JSRP1: variants seen among roughly 807,000 people sequenced by gnomAD.
JSRP1 encodes the protein junctional sarcoplasmic reticulum protein 1.
A neutral mutation model predicts 21.4 loss-of-function variants in JSRP1; 29 were observed. That is an observed-to-expected ratio of 1.36 (90% confidence interval 1.01 to 1.85). The LOEUF (loss-of-function observed/expected upper bound fraction) is 1.85. Ranked by LOEUF, JSRP1 falls within the 40% of genes most tolerant of loss-of-function variation. JSRP1 has a pLI of 0.00. For missense variants in JSRP1, 531 were observed against 461.5 expected (o/e 1.15, Z -1.38); for synonymous variants, 221 against 206.1 (o/e 1.07, Z -0.62).
In JSRP1 at chr19:2,252,332, G is replaced by A. The variant is rs905427761; in HGVS notation, c.993C>T (p.Asp331=). ...RQKLRAGKGR[D] The stretch of plus-strand genomic sequence containing the variant: ...TGGACTCCGGCGCGGGGCCGGCTCA[G>A]TCCCGCCCCTTGCCTGCGCGGAGCT... The change falls in exon 7 of 7, where the codon GAC becomes GAT. Residue 331 remains aspartate, a synonymous_variant. Coordinates refer to ENST00000300961, the MANE Select transcript of JSRP1 (RefSeq NM_144616.4). 6.7e-6 allele frequency: 10 copies of A among 1,496,774 alleles called. No individual in the cohort carries two copies. The highest frequency in any genetic ancestry group is 8.9e-6 in the Non-Finnish European group (10 of 1,127,700). 92.7% of individuals were successfully genotyped at this position (1,496,774 alleles called of 1,614,324 possible). A position where few individuals can be genotyped will look rare whatever the true frequency, so the allele number is the denominator to read the frequency against.
rs749144810 is a variant in JSRP1, at chr19:2,254,480, T to C, written c.112A>G (p.Thr38Ala). 13 of 1,612,770 alleles carry C rather than the reference T, an allele frequency of 8.1e-6. No homozygotes were observed. The highest frequency in any genetic ancestry group is 1.0e-5 in the Non-Finnish European group (12 of 1,179,950). ...CTGCCGGAGTCGGCCAGCCTGGGTG[T>C]CGCTGTGGGAACACAGGCAGAGTCA... Reference protein sequence around the residue: ...AETQEDRASATPRLADSGSVP... With the variant: ...AETQEDRASAAPRLADSGSVP... Residue 38 changes from threonine to alanine, a missense_variant and splice_region_variant, in exon 3 of 7, where the codon ACA becomes GCA. Physicochemically the swap from Thr to Ala is moderately conservative, Grantham distance 58 (BLOSUM62 0). Transcript: ENST00000300961.
Position 2,252,542 on chromosome 19 carries a change from CG to C in JSRP1, c.782del (p.Pro261ArgfsTer92), listed in dbSNP as rs763633107. On this transcript the variant is annotated frameshift_variant, in exon 7 of 7. Transcript: ENST00000300961. LOFTEE classifies it low-confidence loss of function (END_TRUNC). Reference protein sequence around the residue: ...RKEERPKKERPRKEERPRAAR... With the variant: ...RKEERPKKERXRKEERPRAAR... ...CGGCCCGTGGCCTCTCCTCTTTCCGCGGCCTCTCTTTCTTAGGTCTCTCCTC... is the reference window on the plus strand; with the variant it reads ...CGGCCCGTGGCCTCTCCTCTTTCCGCGCCTCTCTTTCTTAGGTCTCTCCTC... The C allele has an allele frequency of 5.0e-6, 8 of 1,612,902 alleles. No individual in the cohort carries two copies. The highest frequency in any genetic ancestry group is 6.8e-6 in the Non-Finnish European group (8 of 1,179,912).
At chr19:2,255,125 G>A (rs2025128255) in intron 2 of JSRP1, 81 bp downstream of exon 2, 2 of 893,574 alleles carry the variant, frequency 2.2e-6, no homozygotes, top group Admixed American at 5.0e-5. Context: ...AGGCTAAGAA[G>A]CTCTAGTCTC....
intron 5 of JSRP1, 26 bp from the exon 6 acceptor site, chr19:2,253,029 G>A (rs759086334): frequency 1.3e-6 from 2 of 1,542,004 alleles, no homozygotes; most frequent in Non-Finnish European, 8.9e-7. Flanking sequence ...CGGGACCCGA[G>A]TCAGCTGGGC....
chr19:2,252,254 C>A lies in JSRP1; in HGVS notation c.*75G>T. ...CGTAAAGGAGCAGGTGACTCTGCGG[C>A]CGCAGCACTCGCTTTATTTCGCCAG... On this transcript the variant is annotated 3_prime_UTR_variant, in exon 7 of 7. Transcript: ENST00000300961. 1 of 1,319,530 alleles carries A rather than the reference C, an allele frequency of 7.6e-7. No homozygotes were observed. Among genetic ancestry groups the A allele is most frequent in the Non-Finnish European group, 1.0e-6 (1 of 994,674 alleles). The allele number at this position is 1,319,530 out of a possible 1,614,324, so 81.7% of individuals were successfully genotyped here.
Position 2,253,659 on chromosome 19 carries a change from G to T in JSRP1, c.397C>A (p.Leu133Met). Residue 133 changes from leucine (L) to methionine (M), a missense_variant, in exon 5 of 7, where the codon CTG becomes ATG. Physicochemically the swap from Leu to Met is conservative, Grantham distance 15. Coordinates refer to ENST00000300961, the MANE Select transcript of JSRP1 (RefSeq NM_144616.4). ...AAAGCCGAGCCCAGCAGCGCCACCA[G>T]CGAGGCGAGCACCAGGCACTTGTTG... ...SLNKCLVLAS[L>M]VALLGSAFQL... The T allele has an allele frequency of 6.6e-7, 1 of 1,507,986 alleles. No homozygotes were observed. Among genetic ancestry groups the T allele is most frequent in the Non-Finnish European group, 8.8e-7 (1 of 1,135,036 alleles). The allele number at this position is 1,507,986 out of a possible 1,614,324, so 93.4% of individuals were successfully genotyped here.
At chr19:2,253,991 C>T (rs899574612) in intron 4 of JSRP1, among the ~76,000 whole-genome samples, 196 bp downstream of exon 4, 2 of 152,212 alleles carry the variant, frequency 1.3e-5, no homozygotes, top group East Asian at 1.9e-4. Flanking sequence ...AAGGTAACTT[C>T]CCGGAGCTGA....
intron 3 of JSRP1, 37 bp downstream of exon 3, chr19:2,254,408 C>A: frequency 6.2e-7 from 1 of 1,611,936 alleles, no homozygotes; most frequent in Non-Finnish European, 8.5e-7. Context: ...ACTCCCCAGG[C>A]GTCCTGGGTT....
At chr19:2,253,852 G>C in intron 4 of JSRP1, 59 bp from the exon 5 acceptor site, 9 of 1,333,932 alleles carry the variant, frequency 6.7e-6, no homozygotes, top group Middle Eastern at 2.8e-4. Flanking sequence ...CCCCTTCCCC[G>C]GGCGCAGGGG....
chr19:2,252,450 G>A lies in JSRP1; in HGVS notation c.875C>T (p.Ala292Val), dbSNP rs766153930. The A allele has an allele frequency of 1.2e-6, 2 of 1,611,046 alleles. No homozygotes were observed. The highest frequency in any genetic ancestry group is 2.2e-5 in the South Asian group (2 of 91,028). The change falls in exon 7 of 7, where the codon GCA (alanine) becomes GTA (valine). Residue 292 changes from alanine (A) to valine (V), a missense_variant. By Grantham distance (64) the Ala-to-Val change is moderately conservative. Coordinates refer to ENST00000300961, the MANE Select transcript of JSRP1 (RefSeq NM_144616.4). ...GGGCTCGGCGTCCCTGGAGTCCCGTGCCCACGGCCGGTGGCCCCCTTCGCG... is the reference window on the plus strand; with the variant it reads ...GGGCTCGGCGTCCCTGGAGTCCCGTACCCACGGCCGGTGGCCCCCTTCGCG... Reference protein sequence around the residue: ...ESREGGHRPWARDSRDAEPRK... With the variant: ...ESREGGHRPWVRDSRDAEPRK...
At position 2,252,483 on chromosome 19, in the gene JSRP1, C is replaced by G. The variant is rs1192207193; in HGVS notation, c.842G>C (p.Trp281Ser). 6.2e-7 allele frequency: 1 copy of G among 1,612,234 alleles called. No homozygotes were observed. The highest frequency in any genetic ancestry group is 1.7e-5 in the Admixed American group (1 of 60,008). Residue 281 changes from tryptophan to serine, a missense_variant, in exon 7 of 7, where the codon TGG becomes TCG. Physicochemically the swap from Trp to Ser is radical, Grantham distance 177. Transcript: ENST00000300961. Reference sequence around the variant, plus strand: ...CCGGTGGCCCCCTTCGCGTGACTCCCAGCGCTGGGGTAGGGCTTCCCGGGG... The same window carrying G: ...CCGGTGGCCCCCTTCGCGTGACTCCGAGCGCTGGGGTAGGGCTTCCCGGGG... ...REPREALPQR[W>S]ESREGGHRPW...
intron 6 of JSRP1, 33 bp downstream of exon 6, chr19:2,252,879 C>T: frequency 6.3e-7 from 1 of 1,599,912 alleles, no homozygotes; most frequent in Non-Finnish European, 8.5e-7. Flanking sequence ...ATGAAGGTCC[C>T]AATGCCCGCG....
chr19:2,253,879 T>C, intron 4 of JSRP1, 86 bp from the exon 5 acceptor site: 1 of 1,309,382 alleles, frequency 7.6e-7, no homozygotes, highest in Non-Finnish European at 9.8e-7. Flanking sequence ...GACAGGCCTG[T>C]GCCCTGAACC....
Position 2,252,476 on chromosome 19 carries a change from T to C in JSRP1, c.849A>G (p.Ser283=). 1.9e-6 allele frequency: 3 copies of C among 1,611,814 alleles called. No homozygotes were observed. The highest frequency in any genetic ancestry group is 1.8e-4 in the Middle Eastern group (1 of 5,560). Residue 283 remains serine, a synonymous_variant, in exon 7 of 7, where the codon TCA becomes TCG. Coordinates refer to ENST00000300961, the MANE Select transcript of JSRP1 (RefSeq NM_144616.4). The part of the protein sequence containing the change: ...PREALPQRWE[S]REGGHRPWAR... ...CCCACGGCCGGTGGCCCCCTTCGCG[T>C]GACTCCCAGCGCTGGGGTAGGGCTT...
Position 2,252,382 on chromosome 19 carries a change from C to T in JSRP1, c.943G>A (p.Glu315Lys). The T allele has an allele frequency of 6.3e-7, 1 of 1,587,238 alleles. No homozygotes were observed. The highest frequency in any genetic ancestry group is 1.1e-5 in the South Asian group (1 of 88,972). ...AWVSPRRPDE[E>K]QRPGSRQKLR... is the part of the protein sequence containing the mutation. The stretch of plus-strand genomic sequence containing the variant: ...TTCTGGCGACTCCCAGGCCGCTGCT[C>T]CTCGTCGGGACGCCTCGGGGACACC... The change falls in exon 7 of 7, where the codon GAG (glutamate) becomes AAG (lysine). Residue 315 changes from glutamate (E) to lysine (K), a missense_variant. Coordinates refer to ENST00000300961, the MANE Select transcript of JSRP1 (RefSeq NM_144616.4).
chr19:2,255,213 C>T lies in JSRP1; in HGVS notation c.102G>A (p.Arg34=). The part of the protein sequence containing the change: ...HSALAETQED[R]ASATPRLADS... ...CCAGCGCCACAAGGGTACCTGAAGC[C>T]CTGTCCTCCTGGGTCTCGGCCAGCG... The change falls in exon 2 of 7, where the codon AGG becomes AGA. Residue 34 remains arginine (R), a synonymous_variant. Transcript: ENST00000300961. 6.3e-7 allele frequency: 1 copy of T among 1,597,404 alleles called. No individual in the cohort carries two copies. The highest frequency in any genetic ancestry group is 8.6e-7 in the Non-Finnish European group (1 of 1,168,760).
chr19:2,253,074 C>A, intron 5 of JSRP1, 71 bp from the exon 6 acceptor site: 1 of 1,032,234 alleles, frequency 9.7e-7, no homozygotes, highest in Admixed American at 2.1e-5. Flanking sequence ...CCCTCCCTCA[C>A]CCCTAGAGCC....
At chr19:2,255,810 C>T (rs2025138358) in intron 1 of JSRP1, among the ~76,000 whole-genome samples, 1 of 152,200 alleles carries the variant, frequency 6.6e-6, no homozygotes, top group South Asian at 2.1e-4. Context: ...TCCCTCTGGG[C>T]CACCCTGACT....
intron 5 of JSRP1, 63 bp from the exon 6 acceptor site, chr19:2,253,066 C>T (rs2025087488): frequency 7.7e-6 from 9 of 1,161,522 alleles, no homozygotes; most frequent in Non-Finnish European, 7.5e-6. Flanking sequence ...CTGTCCATCC[C>T]TCCCTCACCC....
Sources: allele counts gnomAD v4.1 joint callset (sites outside exome capture counted in the v4.1 genomes callset), GRCh38; gene constraint gnomAD v4.1.1; transcripts MANE v1.5; gene names NCBI Gene and HGNC (gene_info 2026-07-23, HGNC 2026-07-21).